Variants in COG6 observed in about 807,000 individuals in gnomAD.
The protein encoded by COG6 is conserved oligomeric Golgi complex subunit 6.
In COG6, 74 loss-of-function variants were observed where a neutral mutation model predicts 88.8. The observed-to-expected ratio is 0.83, with a 90% CI of 0.69 to 1.01. The LOEUF (loss-of-function observed/expected upper bound fraction) is 1.01, where lower values mean the gene tolerates loss of function less well. Among genes scored for constraint, COG6 ranks in the 50% least tolerant of loss-of-function variants. The pLI, the probability that COG6 is intolerant of heterozygous loss-of-function variation, is 0.00. For missense variants in COG6, 800 were observed against 797.9 expected, an observed-to-expected ratio of 1.00 and a Z score of -0.03; for synonymous variants, 286 against 278.7, an observed-to-expected ratio of 1.03 and a Z score of -0.26.
intron 18 of COG6, among the ~76,000 whole-genome samples, chr13:39,764,510 C>T (rs377691732): frequency 2.0e-5 from 3 of 151,614 alleles, no homozygotes; most frequent in East Asian, 3.9e-4. Context: ...TTAATGTGTT[C>T]ATCTGTGTTT....
intron 13 of COG6, among the ~76,000 whole-genome samples, chr13:39,707,368 C>A (rs544476174): frequency 6.6e-6 from 1 of 152,048 alleles, no homozygotes; most frequent in Non-Finnish European, 1.5e-5. Context: ...ACCTCATGAT[C>A]CGCCCGCCTC....
intron 15 of COG6, among the ~76,000 whole-genome samples, chr13:39,720,944 A>C (rs1878818990): frequency 6.6e-6 from 1 of 152,068 alleles, no homozygotes; most frequent in African/African-American, 2.4e-5. Flanking sequence ...CTATATTATA[A>C]ATTTTGGTTA....
At chr13:39,719,396 G>GT in intron 14 of COG6, 29 bp downstream of exon 14, 1 of 1,603,932 alleles carries the variant, frequency 6.2e-7, no homozygotes. Flanking sequence ...TTTAATGATT[G>GT]TTTTTTGCTC....
chr13:39,771,426 G>C (rs560170166), intron 18 of COG6, among the ~76,000 whole-genome samples: 1 of 152,256 alleles, frequency 6.6e-6, no homozygotes, highest in African/African-American at 2.4e-5. Context: ...CTCACCCGCT[G>C]CCCAGCGCTC....
chr13:39,732,807 T>A (rs939571999), intron 18 of COG6, among the ~76,000 whole-genome samples: 1 of 152,182 alleles, frequency 6.6e-6, no homozygotes, highest in Non-Finnish European at 1.5e-5. Context: ...ATAGTGTAAT[T>A]GAAGCAGAAA....
chr13:39,687,416 C>T (rs1395640177), intron 8 of COG6, 87 bp from the exon 9 acceptor site: 4 of 1,237,072 alleles, frequency 3.2e-6, no homozygotes, highest in Non-Finnish European at 4.8e-6. Flanking sequence ...TTTTTAAGTA[C>T]TTGGTTGTCT....
chr13:39,687,153 T>C (rs2138005593), intron 8 of COG6, among the ~76,000 whole-genome samples: 1 of 152,198 alleles, frequency 6.6e-6, no homozygotes, highest in South Asian at 2.1e-4. Flanking sequence ...CCTAGTATAG[T>C]GAATATACTG....
intron 13 of COG6, among the ~76,000 whole-genome samples, chr13:39,704,520 A>G (rs1593438030): frequency 6.6e-6 from 1 of 152,170 alleles, no homozygotes; most frequent in Admixed American, 6.5e-5. Context: ...CTTTATCCTC[A>G]TTGTCTTCAC....
intron 13 of COG6, among the ~76,000 whole-genome samples, chr13:39,705,313 G>A (rs150833811): frequency 1.4e-3 from 213 of 152,216 alleles, no homozygotes; most frequent in Non-Finnish European, 2.6e-3. Flanking sequence ...TTTATCTAGC[G>A]TGAGAAAAAG....
chr13:39,725,906 A>G (rs1254214842), intron 17 of COG6, among the ~76,000 whole-genome samples: 2 of 151,934 alleles, frequency 1.3e-5, no homozygotes, highest in African/African-American at 2.4e-5. Flanking sequence ...GATCTGTAAC[A>G]TTAGTTAGTA....
chr13:39,664,512 C>G (rs4551909), intron 3 of COG6, among the ~76,000 whole-genome samples: 2 of 151,966 alleles, frequency 1.3e-5, no homozygotes, highest in Non-Finnish European at 2.9e-5. Context: ...AATTGACTTT[C>G]CACTTTTGAT....
intron 18 of COG6, among the ~76,000 whole-genome samples, chr13:39,769,978 G>C (rs773962429): frequency 6.6e-6 from 1 of 152,198 alleles, no homozygotes. Context: ...AAGGTATTTT[G>C]TTAAGCAGCC....
Position 39,752,364 on chromosome 13 carries a change from T to C in COG6, c.*1271T>C. Reference sequence around the variant, plus strand: ...TCTGAAGTTTATAATTGTTTATACCTAATACAGTTCTTTTTGGAGTAAGAA... The same window carrying C: ...TCTGAAGTTTATAATTGTTTATACCCAATACAGTTCTTTTTGGAGTAAGAA... On this transcript the variant is annotated 3_prime_UTR_variant, in exon 19 of 19. Coordinates refer to ENST00000455146, the MANE Select transcript of COG6 (RefSeq NM_020751.3). 1.1e-6 allele frequency: 1 copy of C among 904,906 alleles called. No individual in the cohort carries two copies. Among genetic ancestry groups the C allele is most frequent in the East Asian group, 6.2e-5 (1 of 16,130 alleles). The allele number at this position is 904,906 out of a possible 1,614,324, so 56.1% of individuals were successfully genotyped here.
In COG6 at chr13:39,768,846, C is replaced by G. The variant is rs1361556349; in HGVS notation, c.1827-19489C>G. Among the ~76,000 whole-genome samples, 2 of 152,032 alleles carry G rather than the reference C, an allele frequency of 1.3e-5. 1 individual carries two copies. Among genetic ancestry groups the G allele is most frequent in the Admixed American group, 1.3e-4 (2 of 15,258 alleles). On this transcript the variant is annotated intron_variant, in intron 18 of 18. Transcript: ENST00000416691. ...TTGCATCTGCCTGTGCATATGTATC[C>G]CACCCCCCGCCTACCATCAGAGGGA...
Position 39,679,546 on chromosome 13 carries a change from C to G in COG6, c.549C>G (p.Phe183Leu), listed in dbSNP as rs1054736212. The G allele has an allele frequency of 2.5e-6, 4 of 1,577,082 alleles. No individual in the cohort carries two copies. The highest frequency in any genetic ancestry group is 3.5e-6 in the Non-Finnish European group (4 of 1,146,524). Residue 183 changes from phenylalanine to leucine, a missense_variant, in exon 6 of 19, where the codon TTC (phenylalanine) becomes TTG (leucine). Transcript: ENST00000455146. ...TREGPITEDF[F>L]KALGRVKQIH... Reference sequence around the variant, plus strand: ...CATTCTTAATTTTAAAGGATTTTTTCAAGGCACTGGGAAGAGTAAAACAGA... The same window carrying G: ...CATTCTTAATTTTAAAGGATTTTTTGAAGGCACTGGGAAGAGTAAAACAGA...
chr13:39,705,665 C>A (rs1305622706), intron 13 of COG6, among the ~76,000 whole-genome samples: 3 of 151,980 alleles, frequency 2.0e-5, no homozygotes, highest in Admixed American at 1.3e-4. Context: ...AAAAAACAAA[C>A]CCCAAATGAT....
intron 18 of COG6, among the ~76,000 whole-genome samples, chr13:39,730,291 C>T (rs1297635493): frequency 2.0e-5 from 3 of 151,704 alleles, no homozygotes; most frequent in South Asian, 2.1e-4. Flanking sequence ...TTTCTTAGTA[C>T]CTATTTACCT....
intron 18 of COG6, among the ~76,000 whole-genome samples, chr13:39,780,051 C>G (rs1317211270): frequency 6.6e-6 from 1 of 152,156 alleles, no homozygotes; most frequent in East Asian, 1.9e-4. Context: ...GCTATCTGCT[C>G]CAGTCAAAGT....
At chr13:39,707,227 C>T (rs1877987793) in intron 13 of COG6, among the ~76,000 whole-genome samples, 1 of 151,264 alleles carries the variant, frequency 6.6e-6, no homozygotes, top group African/African-American at 2.4e-5. Context: ...CTCCCGGGTT[C>T]AAGTGATTCT....
Sources: allele counts gnomAD v4.1 joint callset (sites outside exome capture counted in the v4.1 genomes callset), GRCh38; gene constraint gnomAD v4.1.1; transcripts MANE v1.5; gene names NCBI Gene and HGNC (gene_info 2026-07-23, HGNC 2026-07-21).